Variants in AKAP6 observed in about 807,000 individuals in gnomAD.
AKAP6 encodes the protein A-kinase anchoring protein 6.
A neutral mutation model predicts 188.5 loss-of-function variants in AKAP6; 58 were observed. That is an observed-to-expected ratio of 0.31 (90% CI 0.25 to 0.38). AKAP6 has a LOEUF of 0.38. AKAP6 is among the 10% of genes least tolerant of loss of function. The probability of loss-of-function intolerance (pLI) is 1.00; values close to 1 mark genes in which losing one functional copy is unlikely to be tolerated. For synonymous variants in AKAP6, 989 were observed against 998.6 expected, an observed-to-expected ratio of 0.99 and a Z score of 0.18; for missense variants, 2,710 against 2,740.0, an observed-to-expected ratio of 0.99 and a Z score of 0.24.
chr14:32,691,029 A>G (rs1339480523), intron 8 of AKAP6, among the ~76,000 whole-genome samples: 1 of 152,212 alleles, frequency 6.6e-6, no homozygotes, highest in African/African-American at 2.4e-5. Flanking sequence ...TTTAACATCT[A>G]GGAGCTCACA....
rs1566485643 is a variant in AKAP6, at chr14:32,404,713, A to ATATATATATATATATATATATATAT, written c.-34-28747_-34-28746insTATATATATATATATATATATATAT. Reference sequence around the variant, plus strand: ...GGAGATATATATATATATATATATTAGTCAGAATGTCAGCAGGAAATAGTT... The same window carrying ATATATATATATATATATATATATAT: ...GGAGATATATATATATATATATATTATATATATATATATATATATATATATGTCAGAATGTCAGCAGGAAATAGTT... On this transcript the variant is annotated intron_variant, in intron 1 of 13. Coordinates refer to ENST00000280979, the MANE Select transcript of AKAP6 (RefSeq NM_004274.5). 2.1e-3 allele frequency among the ~76,000 whole-genome samples: 20 copies of ATATATATATATATATATATATATAT among 9,606 alleles called. 2 individuals carry two copies. The highest frequency in any genetic ancestry group is 6.2e-3 in the Non-Finnish European group (17 of 2,750). The allele number at this position is 9,606 out of a possible 152,430, so 6.3% of individuals were successfully genotyped here.
intron 1 of AKAP6, among the ~76,000 whole-genome samples, chr14:32,398,844 G>GTTTTTT (rs773955888): frequency 1.6e-5 from 1 of 60,980 alleles, no homozygotes; most frequent in Non-Finnish European, 3.3e-5. Flanking sequence ...CTTTCTTCCT[G>GTTTTTT]TTTTTTTTTT....
chr14:32,432,888 C>T (rs1245678773), intron 1 of AKAP6, among the ~76,000 whole-genome samples: 4 of 152,156 alleles, frequency 2.6e-5, no homozygotes, highest in African/African-American at 7.2e-5. Flanking sequence ...TCAAGTGGAA[C>T]CCGTGTTTCT....
At chr14:32,761,204 T>TGAC (rs1373257970) in intron 11 of AKAP6, among the ~76,000 whole-genome samples, 1 of 152,206 alleles carries the variant, frequency 6.6e-6, no homozygotes, top group African/African-American at 2.4e-5. Flanking sequence ...TTTCTAATGT[T>TGAC]GACTTTTTCT....
At chr14:32,696,886 A>G (rs1198742932) in intron 9 of AKAP6, among the ~76,000 whole-genome samples, 1 of 151,972 alleles carries the variant, frequency 6.6e-6, no homozygotes, top group South Asian at 2.1e-4. Context: ...ATCAGACTGC[A>G]GTAAATCTTC....
rs1162974012 is a variant in AKAP6, at chr14:32,786,298, C to CTTTTTTTTTTTTTTTTTTTTTT, written c.3588+12411_3588+12432dup. 1.6e-4 allele frequency among the ~76,000 whole-genome samples: 13 copies of CTTTTTTTTTTTTTTTTTTTTTT among 82,558 alleles called. 1 individual carries two copies. The highest frequency in any genetic ancestry group is 2.4e-4 in the Non-Finnish European group (11 of 46,668). The allele number at this position is 82,558 out of a possible 152,430, so 54.2% of individuals were successfully genotyped here. On this transcript the variant is annotated intron_variant, in intron 12 of 13. Transcript: ENST00000280979. ...CCCTCTGAAAGACCTAAACCTTTAT[C>CTTTTTTTTTTTTTTTTTTTTTT]TTTTTTTTTTTTTTTTTTTTTTTTT... is the stretch of plus-strand genomic sequence containing the variant.
intron 5 of AKAP6, among the ~76,000 whole-genome samples, chr14:32,579,109 G>T (rs1884855275): frequency 6.6e-6 from 1 of 152,038 alleles, no homozygotes; most frequent in South Asian, 2.1e-4. Context: ...AATTTAAATT[G>T]CCACATGTGG....
At position 32,832,614 on chromosome 14, in the gene AKAP6, C is replaced by T. The variant is rs189654129; in HGVS notation, c.*2809C>T. On this transcript the variant is annotated 3_prime_UTR_variant, in exon 14 of 14. Transcript: ENST00000280979. ...AATTACCCTTAGAAAATGATCACAC[C>T]AACTCTGCCTACACACTTCCAGTGA... 6.6e-6 allele frequency: 1 copy of T among 152,278 alleles called. No homozygotes were observed. The highest frequency in any genetic ancestry group is 1.5e-5 in the Non-Finnish European group (1 of 68,020). 9.4% of individuals were successfully genotyped at this position (152,278 alleles called of 1,614,324 possible).
At chr14:32,438,209 G>A (rs1250189235) in intron 2 of AKAP6, among the ~76,000 whole-genome samples, 5 of 152,210 alleles carry the variant, frequency 3.3e-5, no homozygotes, top group African/African-American at 1.2e-4. Context: ...ACTAGGAAGG[G>A]TCTGTGAGTG....
chr14:32,753,257 A>G (rs899994501), intron 11 of AKAP6, among the ~76,000 whole-genome samples: 1 of 151,998 alleles, frequency 6.6e-6, no homozygotes, highest in African/African-American at 2.4e-5. Context: ...GTGTGAGGTG[A>G]TATCTCCTTA....
chr14:32,652,231 C>T (rs1171361074), intron 7 of AKAP6, among the ~76,000 whole-genome samples: 1 of 152,148 alleles, frequency 6.6e-6, no homozygotes, highest in Non-Finnish European at 1.5e-5. Context: ...ATGCCAGGCT[C>T]CTTAGCAATA....
intron 7 of AKAP6, among the ~76,000 whole-genome samples, chr14:32,603,504 A>G (rs575284308): frequency 6.6e-6 from 1 of 152,332 alleles, no homozygotes; most frequent in African/African-American, 2.4e-5. Context: ...GCATTTCTCA[A>G]AAAGAGGACC....
At chr14:32,416,134 G>A (rs1889649186) in intron 1 of AKAP6, among the ~76,000 whole-genome samples, 1 of 152,178 alleles carries the variant, frequency 6.6e-6, no homozygotes, top group African/African-American at 2.4e-5. Context: ...GTTTTCTAAA[G>A]TAGCTGTACC....
intron 2 of AKAP6, among the ~76,000 whole-genome samples, chr14:32,473,569 T>C (rs1322547686): frequency 6.6e-6 from 1 of 152,036 alleles, no homozygotes; most frequent in Admixed American, 6.6e-5. Context: ...GCCAAATTAG[T>C]GGGGTGAGGT....
chr14:32,462,489 C>A (rs1891363378), intron 2 of AKAP6, among the ~76,000 whole-genome samples: 1 of 151,956 alleles, frequency 6.6e-6, no homozygotes, highest in Admixed American at 6.6e-5. Flanking sequence ...GCTTCATAAG[C>A]AAAGGAGAAA....
chr14:32,475,042 A>G (rs1594653203), intron 2 of AKAP6, among the ~76,000 whole-genome samples: 1 of 152,204 alleles, frequency 6.6e-6, no homozygotes, highest in African/African-American at 2.4e-5. Flanking sequence ...CTACAGCCTG[A>G]TGAACATTCC....
At chr14:32,757,082 T>G (rs2032364081) in intron 11 of AKAP6, among the ~76,000 whole-genome samples, 1 of 152,078 alleles carries the variant, frequency 6.6e-6, no homozygotes, top group South Asian at 2.1e-4. Context: ...CCTCAAATGG[T>G]GGGTGTCTTT....
intron 1 of AKAP6, among the ~76,000 whole-genome samples, chr14:32,403,828 GC>G: frequency 6.6e-6 from 1 of 152,288 alleles, no homozygotes; most frequent in African/African-American, 2.4e-5. Flanking sequence ...ATACCGATTA[GC>G]CATGGTAAAT....
chr14:32,550,370 A>G (rs971576867), intron 4 of AKAP6, among the ~76,000 whole-genome samples: 6 of 152,226 alleles, frequency 3.9e-5, no homozygotes, highest in African/African-American at 1.2e-4. Context: ...GAAAAATCCC[A>G]TACTGGAGTT....
Sources: gnomAD v4.1 joint callset for allele counts (sites outside exome capture counted in the v4.1 genomes callset) on GRCh38, gnomAD v4.1.1 for gene constraint, MANE v1.5 for transcripts, NCBI Gene and HGNC (gene_info 2026-07-23, HGNC 2026-07-21) for gene names.